Variants in VPS13C observed in about 807,000 individuals in gnomAD.
VPS13C encodes intermembrane lipid transfer protein VPS13C.
Under a neutral mutation model 456.8 loss-of-function variants are expected in VPS13C, and 358 were observed. The ratio of observed to expected loss-of-function variants is 0.78; its 90% CI spans 0.72 to 0.86. VPS13C has a LOEUF of 0.86. Among genes scored for constraint, VPS13C ranks in the 40% least tolerant of loss-of-function variants. The pLI is 0.00. For missense variants in VPS13C, 4,818 were observed against 4,385.4 expected (o/e 1.10, Z -2.79); for synonymous variants, 1,578 against 1,486.7 (o/e 1.06, Z -1.41).
intron 67 of VPS13C, among the ~76,000 whole-genome samples, chr15:61,886,169 T>C (rs949989606): frequency 3.3e-5 from 5 of 152,164 alleles, no homozygotes; most frequent in Admixed American, 2.6e-4. Context: ...AACAAGTAAG[T>C]CACTCAGAAA....
chr15:62,006,177 A>G (rs1007254465), intron 15 of VPS13C, among the ~76,000 whole-genome samples: 13 of 151,848 alleles, frequency 8.6e-5, no homozygotes, highest in African/African-American at 2.9e-4. Flanking sequence ...ATATGTATAC[A>G]TGTGCCATGT....
Position 61,862,906 on chromosome 15 carries a change from G to A in VPS13C, c.10952+534C>T, listed in dbSNP as rs1196171059. On this transcript the variant is annotated intron_variant, in intron 82 of 84. Coordinates refer to ENST00000644861, the MANE Select transcript of VPS13C (RefSeq NM_020821.3). ...TTATTAATATATAATTGTCATTTTG[G>A]GATAATTTTATTATCTAGGATAGAT... 4.0e-5 allele frequency among the ~76,000 whole-genome samples: 6 copies of A among 151,822 alleles called. No homozygotes were observed. The South Asian group carries it at 8.3e-4, about 21-fold the overall frequency.
chr15:61,925,532 G>T lies in VPS13C; in HGVS notation c.6533C>A (p.Ser2178Tyr). 1 of 1,601,954 alleles carries T rather than the reference G, an allele frequency of 6.2e-7. No individual in the cohort carries two copies. The highest frequency in any genetic ancestry group is 1.3e-5 in the African/African-American group (1 of 74,368). ...KNITTVLQPC[S>Y]LFMEKCTWAS... ...CCACGTACATTTTTCCATAAATAAA[G>T]AACAGGGCTGCAAGACCTATAAACA... Residue 2178 changes from serine to tyrosine, a missense_variant, in exon 53 of 85, where the codon TCT becomes TAT. Coordinates refer to ENST00000644861, the MANE Select transcript of VPS13C (RefSeq NM_020821.3).
At chr15:61,880,767 T>C (rs1451240924) in intron 72 of VPS13C, 45 bp from the exon 73 acceptor site, 9 of 1,537,644 alleles carry the variant, frequency 5.9e-6, no homozygotes, top group Non-Finnish European at 7.9e-6. Flanking sequence ...TTTTTTTCTC[T>C]ATTAGAATTC....
intron 73 of VPS13C, 139 bp from the exon 74 acceptor site, chr15:61,878,885 T>G (rs1895656347): frequency 4.7e-6 from 4 of 854,346 alleles, no homozygotes; most frequent in Non-Finnish European, 6.9e-6. Context: ...ATACCACACA[T>G]TATAGCAGAA....
chr15:62,021,079 G>A (rs2047445136), intron 8 of VPS13C, among the ~76,000 whole-genome samples: 1 of 151,884 alleles, frequency 6.6e-6, no homozygotes, highest in African/African-American at 2.4e-5. Flanking sequence ...CTTATAAGTG[G>A]CAGCTAAATA....
rs1893793444 is a variant in VPS13C at position 61,854,356 on chromosome 15, G to A, written c.*101C>T. ...GCTATTCCAGAAAACTAAAACTAAA[G>A]GATTGCTTGAAAAATTGTCTTTAGC... On this transcript the variant is annotated 3_prime_UTR_variant, in exon 85 of 85. Coordinates refer to ENST00000644861, the MANE Select transcript of VPS13C (RefSeq NM_020821.3). 2 of 1,113,034 alleles carry A rather than the reference G, an allele frequency of 1.8e-6. No individual in the cohort carries two copies. The highest frequency in any genetic ancestry group is 3.5e-5 in the Admixed American group (2 of 57,774). 68.9% of individuals were successfully genotyped at this position (1,113,034 alleles called of 1,614,324 possible).
intron 1 of VPS13C, 90 bp from the exon 2 acceptor site, chr15:62,044,345 G>T (rs2048339064): frequency 1.4e-6 from 1 of 727,658 alleles, no homozygotes; most frequent in Non-Finnish European, 2.2e-6. Context: ...AAGAAACTGG[G>T]CTAAGTGCTA....
chr15:61,909,225 T>C (rs1255736096), intron 64 of VPS13C, 100 bp from the exon 65 acceptor site: 5 of 1,460,810 alleles, frequency 3.4e-6, no homozygotes, highest in African/African-American at 1.4e-5. Flanking sequence ...TTTGGTTTTT[T>C]TCGAGACAGA....
Position 61,936,629 on chromosome 15 carries a change from A to T in VPS13C, c.5723T>A (p.Val1908Asp). 1 of 1,586,306 alleles carries T rather than the reference A, an allele frequency of 6.3e-7. No individual in the cohort carries two copies. The change falls in exon 48 of 85, where the codon GTT becomes GAT. Residue 1908 changes from valine to aspartate, a missense_variant. This residue lies in a region of VPS13C where 4,552 missense variants were observed against 4,130.6 expected (regional missense o/e 1.10). Transcript: ENST00000644861. ...SVQETVRVRKVDVSSVPDHLK... is the reference protein window; with the variant it reads ...SVQETVRVRKDDVSSVPDHLK... ...ATGGTCAGGTACACTTGAAACATCA[A>T]CTTTTCTCACTCTTACAGTCTCCTG...
chr15:62,016,606 AT>A (rs1324084386), intron 9 of VPS13C, among the ~76,000 whole-genome samples: 5 of 151,698 alleles, frequency 3.3e-5, no homozygotes, highest in Non-Finnish European at 7.4e-5. Flanking sequence ...TGAACTCATC[AT>A]TTTTTATGGC....
rs944120682 is a variant in VPS13C, at chr15:61,854,493, T to C, written c.11226A>G (p.Ser3742=). 3 of 1,614,206 alleles carry C rather than the reference T, an allele frequency of 1.9e-6. No homozygotes were observed. Among genetic ancestry groups the C allele is most frequent in the South Asian group, 1.1e-5 (1 of 91,086 alleles). ...ATTGGGGTCTGAGAAGTCTCACTGA[T>C]GACTGCTTCATCAATTTTTGCTGCT... ...TRQQQKLMKQ[S]SVRLLRPQLP... The change falls in exon 85 of 85, where the codon TCA becomes TCG. Residue 3742 remains serine (S), a synonymous_variant. Transcript: ENST00000644861.
intron 1 of VPS13C, among the ~76,000 whole-genome samples, chr15:62,055,250 G>A (rs1381217146): frequency 2.7e-5 from 4 of 150,640 alleles, no homozygotes; most frequent in African/African-American, 7.4e-5. Flanking sequence ...TTTTTGAGAC[G>A]GGAGTCTCGC....
At chr15:61,922,265 T>C in intron 54 of VPS13C, 132 bp downstream of exon 54, 6 of 1,231,432 alleles carry the variant, frequency 4.9e-6, no homozygotes, top group Non-Finnish European at 6.7e-6. Flanking sequence ...ATCGACAAAT[T>C]AAATGTCAGA....
chr15:61,991,696 T>A lies in VPS13C; in HGVS notation c.1460A>T (p.Asp487Val), dbSNP rs148543105. The change falls in exon 17 of 85, where the codon GAC becomes GTC. Residue 487 changes from aspartate (D) to valine (V), a missense_variant. Transcript: ENST00000644861. ...LWGKKESKKK[D>V]EESLIPETID... is the part of the protein sequence containing the mutation. ...ACTTTCAGGAATCAATGATTCTTCGTCCTTTTTCTTAGACTCTTTCTTACC... is the reference window on the plus strand; with the variant it reads ...ACTTTCAGGAATCAATGATTCTTCGACCTTTTTCTTAGACTCTTTCTTACC... 5.6e-6 allele frequency: 9 copies of A among 1,612,540 alleles called. No homozygotes were observed. The African/African-American group carries it at 8.0e-5, about 14-fold the overall frequency.
chr15:62,029,669 G>A (rs542276381), intron 5 of VPS13C, among the ~76,000 whole-genome samples: 4 of 152,014 alleles, frequency 2.6e-5, no homozygotes, highest in African/African-American at 9.7e-5. Flanking sequence ...TAAAATATAA[G>A]GTCTTTGACA....
chr15:62,017,412 G>GT (rs1003397657), intron 9 of VPS13C, among the ~76,000 whole-genome samples: 48 of 152,168 alleles, frequency 3.2e-4, no homozygotes, highest in African/African-American at 1.2e-3. Flanking sequence ...GGTTTTTATG[G>GT]TTTTAGGTCT....
intron 79 of VPS13C, among the ~76,000 whole-genome samples, chr15:61,871,783 T>C (rs1895051365): frequency 6.6e-6 from 1 of 152,150 alleles, no homozygotes; most frequent in African/African-American, 2.4e-5. Context: ...CTGCTAAAAA[T>C]AGCATTCAAA....
At chr15:61,878,186 A>G (rs973876036) in intron 74 of VPS13C, among the ~76,000 whole-genome samples, 1 of 151,152 alleles carries the variant, frequency 6.6e-6, no homozygotes, top group Non-Finnish European at 1.5e-5. Context: ...GGTAAAAATG[A>G]TCTACAGGGA....
Sources: gnomAD v4.1 joint callset for allele counts (sites outside exome capture counted in the v4.1 genomes callset) on GRCh38, gnomAD v4.1.1 for gene constraint, gnomAD v4.1.1 regional missense constraint, MANE v1.5 for transcripts, NCBI Gene and HGNC (gene_info 2026-07-23, HGNC 2026-07-21) for gene names.